ATL2: variants seen among roughly 807,000 people sequenced by gnomAD.
ATL2 encodes the protein atlastin GTPase 2, also known as atlastin-2.
ATL2 carries 31 observed loss-of-function variants against 73.9 expected under a neutral mutation model. The observed-to-expected ratio is 0.42, with a 90% CI of 0.32 to 0.57. The LOEUF is 0.57. Among genes scored for constraint, ATL2 ranks in the 20% least tolerant of loss-of-function variants. The probability of loss-of-function intolerance (pLI) is 0.14; values close to 1 mark genes in which losing one functional copy is unlikely to be tolerated. For synonymous variants in ATL2, 291 were observed against 237.5 expected (o/e 1.23, Z -2.07); for missense variants, 738 against 702.6 (o/e 1.05, Z -0.57).
At chr2:38,338,256 G>A (rs1008848851) in intron 2 of ATL2, among the ~76,000 whole-genome samples, 2 of 152,002 alleles carry the variant, frequency 1.3e-5, no homozygotes, top group African/African-American at 4.8e-5. Context: ...AGCTAAACAA[G>A]GGTACTCACG....
rs368137732 is a variant in ATL2 at position 38,314,589 on chromosome 2, G to T, written c.711+19C>A. 2.5e-5 allele frequency: 39 copies of T among 1,570,360 alleles called. No individual in the cohort carries two copies. Among genetic ancestry groups the T allele is most frequent in the Non-Finnish European group, 3.2e-5 (36 of 1,141,984 alleles). On this transcript the variant is annotated intron_variant, in intron 6 of 12. Coordinates refer to ENST00000378954, the MANE Select transcript of ATL2 (RefSeq NM_001135673.4). Reference sequence around the variant, plus strand: ...CTTCTCATAGGCTAATCTTTAAAATGTTAGAATAACTTTTTTACCTGAAAT... The same window carrying T: ...CTTCTCATAGGCTAATCTTTAAAATTTTAGAATAACTTTTTTACCTGAAAT...
chr2:38,373,917 G>C (rs1671822832), intron 1 of ATL2, among the ~76,000 whole-genome samples: 1 of 152,142 alleles, frequency 6.6e-6, no homozygotes, highest in Admixed American at 6.6e-5. Context: ...GGGAGACAGA[G>C]TTTCGCTCTT....
intron 9 of ATL2, 27 bp from the exon 10 acceptor site, chr2:38,300,355 T>A (rs41280635): frequency 6.5e-7 from 1 of 1,550,052 alleles, no homozygotes; most frequent in Admixed American, 1.7e-5. Flanking sequence ...TTTGTTAGAC[T>A]GACGGATTAT....
rs540668883 is a variant in ATL2, at chr2:38,376,858, G to A, written c.118+285C>T. On this transcript the variant is annotated intron_variant, in intron 1 of 12. Coordinates refer to ENST00000378954, the MANE Select transcript of ATL2 (RefSeq NM_001135673.4). The stretch of plus-strand genomic sequence containing the variant: ...TCGGGGCGGACACGGCGGCAGCCAC[G>A]CGGCGGGCTGGCGGGCAGGGGGCCG... 2.6e-3 allele frequency among the ~76,000 whole-genome samples: 395 copies of A among 150,524 alleles called. 1 individual carries two copies. Among genetic ancestry groups the A allele is most frequent in the Non-Finnish European group, 4.8e-3 (326 of 67,232 alleles).
chr2:38,295,328 T>A lies in ATL2; in HGVS notation c.*666A>T, dbSNP rs1666835598. ...TTCCCCAATAAAATTAATGGCATATTTTATATACATGAAGGCTAAACTGCA... is the reference window on the plus strand; with the variant it reads ...TTCCCCAATAAAATTAATGGCATATATTATATACATGAAGGCTAAACTGCA... On this transcript the variant is annotated 3_prime_UTR_variant, in exon 13 of 13. Transcript: ENST00000378954. 1 of 152,222 alleles carries A rather than the reference T, an allele frequency of 6.6e-6. No homozygotes were observed. Among genetic ancestry groups the A allele is most frequent in the Non-Finnish European group, 1.5e-5 (1 of 68,046 alleles). The allele number at this position is 152,222 out of a possible 1,614,324, so 9.4% of individuals were successfully genotyped here. A position where few individuals can be genotyped will look rare whatever the true frequency, so the allele number is the denominator to read the frequency against.
chr2:38,375,811 C>T (rs897262261), intron 1 of ATL2, among the ~76,000 whole-genome samples: 1 of 152,232 alleles, frequency 6.6e-6, no homozygotes, highest in Admixed American at 6.5e-5. Flanking sequence ...CAGAGTGCTA[C>T]CACTGTACAA....
intron 2 of ATL2, among the ~76,000 whole-genome samples, chr2:38,332,932 T>C (rs541545149): frequency 6.6e-6 from 1 of 152,286 alleles, no homozygotes; most frequent in Non-Finnish European, 1.5e-5. Flanking sequence ...GCACATGTCT[T>C]GTAAGTCCCA....
intron 1 of ATL2, among the ~76,000 whole-genome samples, chr2:38,355,886 G>A (rs376316893): frequency 6.6e-6 from 1 of 151,546 alleles, no homozygotes; most frequent in African/African-American, 2.4e-5. Context: ...AGTAGAGACA[G>A]GTTTCACCAT....
intron 1 of ATL2, among the ~76,000 whole-genome samples, chr2:38,365,125 A>G (rs1671237030): frequency 6.6e-6 from 1 of 150,712 alleles, no homozygotes. Flanking sequence ...CCAGTTAGCA[A>G]GGGAATCATA....
chr2:38,370,695 G>A (rs1028877476), intron 1 of ATL2, among the ~76,000 whole-genome samples: 3 of 152,142 alleles, frequency 2.0e-5, no homozygotes, highest in Non-Finnish European at 4.4e-5. Context: ...TGAACCCAGA[G>A]GTGGAGGTTG....
chr2:38,357,725 C>T (rs1376436373), intron 1 of ATL2, among the ~76,000 whole-genome samples: 1 of 148,420 alleles, frequency 6.7e-6, no homozygotes, highest in African/African-American at 2.5e-5. Context: ...CCAAGAACTA[C>T]AAGGTTTTAG....
intron 1 of ATL2, chr2:38,376,199 T>G: frequency 6.6e-7 from 1 of 1,518,896 alleles, no homozygotes; most frequent in Non-Finnish European, 8.9e-7. Context: ...CAATCAGGAT[T>G]TCATGCGATC....
intron 1 of ATL2, among the ~76,000 whole-genome samples, chr2:38,345,434 C>A (rs1669964183): frequency 6.6e-6 from 1 of 152,194 alleles, no homozygotes; most frequent in African/African-American, 2.4e-5. Context: ...ATTAGAGCCT[C>A]TACCTCCACA....
chr2:38,361,852 G>A (rs1671034640), intron 1 of ATL2, among the ~76,000 whole-genome samples: 1 of 152,104 alleles, frequency 6.6e-6, no homozygotes, highest in African/African-American at 2.4e-5. Context: ...TTCACAGAGA[G>A]GAAATGTGGA....
chr2:38,300,050 C>T (rs2148402673), intron 10 of ATL2, among the ~76,000 whole-genome samples: 1 of 152,186 alleles, frequency 6.6e-6, no homozygotes, highest in East Asian at 1.9e-4. Context: ...ACTGAGGACT[C>T]TTATTTCTGG....
At chr2:38,352,488 T>C (rs974596532) in intron 1 of ATL2, among the ~76,000 whole-genome samples, 4 of 152,140 alleles carry the variant, frequency 2.6e-5, no homozygotes, top group African/African-American at 7.2e-5. Flanking sequence ...GAATTCAAGA[T>C]TGCTAGAGCA....
At position 38,377,221 on chromosome 2, in the gene ATL2, G is replaced by A; in HGVS notation, c.40C>T (p.His14Tyr). 1.9e-6 allele frequency: 3 copies of A among 1,606,684 alleles called. No homozygotes were observed. Among genetic ancestry groups the A allele is most frequent in the East Asian group, 2.2e-5 (1 of 44,614 alleles). The change falls in exon 1 of 13, where the codon CAC becomes TAC. Residue 14 changes from histidine to tyrosine, a missense_variant. Transcript: ENST00000378954. ...GDEAARGQQP[H>Y]QGLWRRRRTS... Reference sequence around the variant, plus strand: ...CGTCGCCGGCGCCACAGCCCCTGGTGCGGTTGCTGCCCTCGCGCTGCCTCG... The same window carrying A: ...CGTCGCCGGCGCCACAGCCCCTGGTACGGTTGCTGCCCTCGCGCTGCCTCG...
chr2:38,347,550 A>C (rs1180586806), intron 1 of ATL2, among the ~76,000 whole-genome samples: 3 of 152,074 alleles, frequency 2.0e-5, no homozygotes, highest in Non-Finnish European at 4.4e-5. Context: ...TTCAATTCCT[A>C]AAACAACCTT....
In ATL2 at chr2:38,298,205, G is replaced by A. The variant is rs143133196; in HGVS notation, c.1571C>T (p.Ser524Phe). Residue 524 changes from serine (S) to phenylalanine (F), a missense_variant, in exon 12 of 13, where the codon TCT (serine) becomes TTT (phenylalanine). Physicochemically the swap from Ser to Phe is radical, Grantham distance 155. Transcript: ENST00000378954. ...FLCTWAYVKYSGEFREIGTVI... is the reference protein window; with the variant it reads ...FLCTWAYVKYFGEFREIGTVI... ...TGTTCCAATTTCTCTGAACTCCCCA[G>A]AGTATTTAACATATGCCCAAGTACA... 1 of 1,614,024 alleles carries A rather than the reference G, an allele frequency of 6.2e-7. No homozygotes were observed. Among genetic ancestry groups the A allele is most frequent in the African/African-American group, 1.3e-5 (1 of 75,018 alleles).
Sources: allele counts gnomAD v4.1 joint callset (sites outside exome capture counted in the v4.1 genomes callset), GRCh38; gene constraint gnomAD v4.1.1; transcripts MANE v1.5; gene names NCBI Gene and HGNC (gene_info 2026-07-23, HGNC 2026-07-21).